The following TRMT9B variants were observed in gnomAD, a reference collection of about 807,000 sequenced individuals.
The protein encoded by TRMT9B is tRNA methyltransferase 9B (putative).
TRMT9B carries 16 observed loss-of-function variants against 11.5 expected under a neutral mutation model. That is an observed-to-expected ratio of 1.39 (90% CI 0.94 to 2.11). The LOEUF is 2.11. Ranked by LOEUF, TRMT9B falls within the 30% of genes most tolerant of loss-of-function variation. TRMT9B has a pLI of 0.00. For synonymous variants in TRMT9B, 274 were observed against 192.4 expected (o/e 1.42, Z -3.51); for missense variants, 941 against 553.8 (o/e 1.70, Z -7.02).
At position 13,029,753 on chromosome 8, in the gene TRMT9B, T is replaced by C. The variant is rs1230803168; in HGVS notation, c.*7709T>C. 3 of 152,596 alleles carry C rather than the reference T, an allele frequency of 2.0e-5. No homozygotes were observed. Among genetic ancestry groups the C allele is most frequent in the Non-Finnish European group, 4.4e-5 (3 of 68,042 alleles). The allele number at this position is 152,596 out of a possible 1,614,324, so 9.5% of individuals were successfully genotyped here. A position where few individuals can be genotyped will look rare whatever the true frequency, so the allele number is the denominator to read the frequency against. On this transcript the variant is annotated 3_prime_UTR_variant, in exon 5 of 5. Transcript: ENST00000524591. The stretch of plus-strand genomic sequence containing the variant: ...CCAAAAAGACATATTTTGAGATTAA[T>C]AAAGATGTATTAGATTATCCAAAAG...
intron 1 of TRMT9B, among the ~76,000 whole-genome samples, chr8:12,974,671 G>C (rs1341266967): frequency 1.3e-5 from 2 of 151,620 alleles, no homozygotes; most frequent in Non-Finnish European, 2.9e-5. Context: ...TGAAAGTAAT[G>C]TTGTGAGGTT....
intron 1 of TRMT9B, among the ~76,000 whole-genome samples, chr8:12,961,430 G>A (rs1332407651): frequency 2.0e-5 from 3 of 151,922 alleles, no homozygotes; most frequent in South Asian, 4.2e-4. Flanking sequence ...GGCCGGGCGC[G>A]GTGGCTCACG....
At chr8:12,963,433 A>AAAAAC (rs1401110762) in intron 1 of TRMT9B, among the ~76,000 whole-genome samples, 1 of 152,068 alleles carries the variant, frequency 6.6e-6, no homozygotes, top group African/African-American at 2.4e-5. Flanking sequence ...ACTTTGTCAC[A>AAAAAC]AAAACAAAAC....
chr8:12,988,799 TA>T (rs1806795341), intron 1 of TRMT9B, among the ~76,000 whole-genome samples: 2 of 152,184 alleles, frequency 1.3e-5, no homozygotes. Context: ...TCAATTCTAT[TA>T]TTTTTTAGAT....
chr8:12,993,724 G>A (rs1331968422), intron 2 of TRMT9B, among the ~76,000 whole-genome samples: 1 of 152,224 alleles, frequency 6.6e-6, no homozygotes, highest in African/African-American at 2.4e-5. Context: ...CATTTGTGAT[G>A]AGTCCTGTTG....
chr8:13,003,326 A>G (rs905067932), intron 2 of TRMT9B, among the ~76,000 whole-genome samples: 1 of 152,156 alleles, frequency 6.6e-6, no homozygotes, highest in Non-Finnish European at 1.5e-5. Context: ...ACTCACTCAC[A>G]TGCCAAAATA....
chr8:12,970,104 AG>A (rs1483699333), intron 1 of TRMT9B: 2 of 152,180 alleles, frequency 1.3e-5, no homozygotes, highest in African/African-American at 4.8e-5. Context: ...AATAAACTTT[AG>A]CCCCTCACCT....
At chr8:12,998,010 C>T (rs1314692662) in intron 2 of TRMT9B, among the ~76,000 whole-genome samples, 2 of 151,992 alleles carry the variant, frequency 1.3e-5, no homozygotes, top group African/African-American at 2.4e-5. Context: ...GAAGTTAAGC[C>T]CCTTTGTGTG....
intron 2 of TRMT9B, among the ~76,000 whole-genome samples, chr8:12,993,702 A>T (rs1585251948): frequency 6.6e-6 from 1 of 152,224 alleles, no homozygotes; most frequent in East Asian, 1.9e-4. Flanking sequence ...CTCCAGTCAG[A>T]GTCCCTTCAT....
chr8:13,027,626 A>C lies in TRMT9B; in HGVS notation c.*5582A>C, dbSNP rs1814844900. 6.0e-6 allele frequency: 1 copy of C among 167,108 alleles called. No homozygotes were observed. Among genetic ancestry groups the C allele is most frequent in the African/African-American group, 2.4e-5 (1 of 41,466 alleles). The allele number at this position is 167,108 out of a possible 1,614,324, so 10.4% of individuals were successfully genotyped here. ...TTAGACAAAGCTTTCATAAGAAATTACATAATGACAAGTAATTCCCACATT... is the reference window on the plus strand; with the variant it reads ...TTAGACAAAGCTTTCATAAGAAATTCCATAATGACAAGTAATTCCCACATT... On this transcript the variant is annotated 3_prime_UTR_variant, in exon 5 of 5. Coordinates refer to ENST00000524591, the MANE Select transcript of TRMT9B (RefSeq NM_020844.3).
intron 1 of TRMT9B, among the ~76,000 whole-genome samples, chr8:12,980,672 AG>A (rs1486201454): frequency 6.6e-6 from 1 of 152,160 alleles, no homozygotes; most frequent in Non-Finnish European, 1.5e-5. Flanking sequence ...GATAAAAGAG[AG>A]CACAGGAGAC....
chr8:13,017,889 G>A (rs1367495591), intron 4 of TRMT9B, among the ~76,000 whole-genome samples: 4 of 151,678 alleles, frequency 2.6e-5, no homozygotes, highest in African/African-American at 9.7e-5. Flanking sequence ...CCCTCAAAGT[G>A]CTGGAATTAC....
intron 4 of TRMT9B, among the ~76,000 whole-genome samples, chr8:13,019,410 G>C (rs113547719): frequency 6.6e-6 from 1 of 152,252 alleles, no homozygotes; most frequent in African/African-American, 2.4e-5. Context: ...TCCCACTTCA[G>C]CCTCCTGAGT....
At chr8:12,970,095 A>C (rs1320043972) in intron 1 of TRMT9B, 1 of 152,230 alleles carries the variant, frequency 6.6e-6, no homozygotes, top group Non-Finnish European at 1.5e-5. Context: ...CTGTTGCTGA[A>C]TAAACTTTAG....
At chr8:13,006,428 C>G (rs1224405198) in intron 3 of TRMT9B, 72 bp downstream of exon 3, 6 of 1,539,988 alleles carry the variant, frequency 3.9e-6, no homozygotes, top group Admixed American at 3.8e-5. Flanking sequence ...ACCAGGCAGC[C>G]TCATCGCTGA....
At chr8:12,968,599 G>A (rs1244783205) in intron 1 of TRMT9B, among the ~76,000 whole-genome samples, 1 of 152,202 alleles carries the variant, frequency 6.6e-6, no homozygotes, top group Non-Finnish European at 1.5e-5. Context: ...GGCATGAGCT[G>A]TGAGCCGATA....
rs771949418 is a variant in TRMT9B, at chr8:13,021,197, G to T, written c.518G>T (p.Ser173Ile). The T allele has an allele frequency of 1.2e-6, 2 of 1,613,812 alleles. No individual in the cohort carries two copies. Among genetic ancestry groups the T allele is most frequent in the South Asian group, 1.1e-5 (1 of 91,048 alleles). ...TGTTCCCAGCTCTTCTCAGAGTCCA[G>T]CCAGTCTGGGAGGAAGAGGCAGTGT... ...ALCSQLFSES[S>I]QSGRKRQCGY... The change falls in exon 5 of 5, where the codon AGC (serine) becomes ATC (isoleucine). Residue 173 changes from serine to isoleucine, a missense_variant. Ser to Ile is a moderately radical substitution (Grantham distance 142, BLOSUM62 -2). Coordinates refer to ENST00000524591, the MANE Select transcript of TRMT9B (RefSeq NM_020844.3).
rs1273068076 is a variant in TRMT9B, at chr8:13,022,110, T to C, written c.*66T>C. 2 of 1,151,264 alleles carry C rather than the reference T, an allele frequency of 1.7e-6. No individual in the cohort carries two copies. Among genetic ancestry groups the C allele is most frequent in the South Asian group, 1.6e-5 (1 of 61,822 alleles). The allele number at this position is 1,151,264 out of a possible 1,614,324, so 71.3% of individuals were successfully genotyped here. A position where few individuals can be genotyped will look rare whatever the true frequency, so the allele number is the denominator to read the frequency against. On this transcript the variant is annotated 3_prime_UTR_variant, in exon 5 of 5. Coordinates refer to ENST00000524591, the MANE Select transcript of TRMT9B (RefSeq NM_020844.3). ...TTCTTTCCTCTTGGTTTGATATGGT[T>C]ACCTGAATTTGCATTCAGTGTTATT... is the stretch of plus-strand genomic sequence containing the variant.
At chr8:12,979,720 T>A (rs1432941339) in intron 1 of TRMT9B, among the ~76,000 whole-genome samples, 1 of 152,230 alleles carries the variant, frequency 6.6e-6, no homozygotes, top group African/African-American at 2.4e-5. Context: ...TAATGATGTT[T>A]TTCAGAATCT....
Sources: gnomAD v4.1 joint callset for allele counts (sites outside exome capture counted in the v4.1 genomes callset) on GRCh38, gnomAD v4.1.1 for gene constraint, MANE v1.5 for transcripts, NCBI Gene and HGNC (gene_info 2026-07-23, HGNC 2026-07-21) for gene names.